Variants in TRPV1 observed in about 807,000 individuals in gnomAD.
TRPV1 encodes the protein OTRPC1.
Under a neutral mutation model 82.3 loss-of-function variants are expected in TRPV1, and 82 were observed. The observed-to-expected ratio is 1.00, with a 90% CI of 0.83 to 1.20. The LOEUF (loss-of-function observed/expected upper bound fraction) is 1.20, where lower values mean the gene tolerates loss of function less well. TRPV1 is among the 50% of genes most tolerant of loss of function. TRPV1 has a pLI of 0.00. For synonymous variants in TRPV1, 515 were observed against 467.7 expected (o/e 1.10, Z -1.30); for missense variants, 1,067 against 1,096.8 (o/e 0.97, Z 0.38).
At chr17:3,577,450 ATTGC>A in intron 12 of TRPV1, 144 bp downstream of exon 12, 2 of 1,123,588 alleles carry the variant, frequency 1.8e-6, no homozygotes, top group Non-Finnish European at 2.5e-6. Context: ...TCAGGGCCAG[ATTGC>A]TTGATTCTTG....
At chr17:3,573,596 C>G (rs1460057488) in intron 14 of TRPV1, 37 bp downstream of exon 14, 1 of 1,553,626 alleles carries the variant, frequency 6.4e-7, no homozygotes, top group Non-Finnish European at 8.7e-7. Flanking sequence ...CCCACACTCT[C>G]CGCGCCACTC....
At chr17:3,575,313 T>C (rs1424178809) in intron 13 of TRPV1, among the ~76,000 whole-genome samples, 4 of 152,010 alleles carry the variant, frequency 2.6e-5, no homozygotes, top group Non-Finnish European at 5.9e-5. Flanking sequence ...TAAAACCCCA[T>C]CTGTACTAAA....
intron 10 of TRPV1, among the ~76,000 whole-genome samples, chr17:3,581,950 G>A (rs573308243): frequency 7.4e-5 from 11 of 147,884 alleles, no homozygotes; most frequent in African/African-American, 2.7e-4. Flanking sequence ...CAGCACTTTG[G>A]GAGGCCAAGG....
chr17:3,607,482 A>G (rs2075303507), intron 2 of TRPV1, among the ~76,000 whole-genome samples: 2 of 152,088 alleles, frequency 1.3e-5, no homozygotes, highest in Non-Finnish European at 2.9e-5. Flanking sequence ...CTGTAATATA[A>G]TTTAATTTAC....
At chr17:3,569,698 G>A (rs2074821166) in intron 16 of TRPV1, among the ~76,000 whole-genome samples, 1 of 152,194 alleles carries the variant, frequency 6.6e-6, no homozygotes, top group African/African-American at 2.4e-5. Context: ...CTTTGGGGCA[G>A]ATGAGTTCCC....
chr17:3,572,284 G>A, intron 14 of TRPV1, 35 bp from the exon 15 acceptor site: 3 of 1,580,112 alleles, frequency 1.9e-6, no homozygotes, highest in Non-Finnish European at 2.6e-6. Flanking sequence ...GGAGCTGAGG[G>A]GCAGAGGGTG....
chr17:3,604,052 C>T (rs933371014), intron 2 of TRPV1, among the ~76,000 whole-genome samples: 12 of 152,248 alleles, frequency 7.9e-5, no homozygotes, highest in African/African-American at 2.9e-4. Context: ...GGCCAACAGA[C>T]CATGCCAACA....
At position 3,571,325 on chromosome 17, in the gene TRPV1, C is replaced by T. The variant is rs540650552; in HGVS notation, c.2347+199G>A. Among the ~76,000 whole-genome samples the T allele has an allele frequency of 4.0e-4, 61 of 152,280 alleles. 1 individual carries two copies. Among genetic ancestry groups the T allele is most frequent in the Middle Eastern group, 3.4e-3 (1 of 294 alleles). On this transcript the variant is annotated intron_variant, in intron 16 of 16. Coordinates refer to ENST00000572705, the MANE Select transcript of TRPV1 (RefSeq NM_080704.4). ...GCCCAGTGAGCCGTCAGCCATCAGCCGTCAGCCGTGACAGCATGAGTGAGG... is the reference window on the plus strand; with the variant it reads ...GCCCAGTGAGCCGTCAGCCATCAGCTGTCAGCCGTGACAGCATGAGTGAGG...
intron 2 of TRPV1, chr17:3,595,572 T>TG (rs1484386016): frequency 6.6e-6 from 1 of 152,220 alleles, no homozygotes; most frequent in Non-Finnish European, 1.5e-5. Flanking sequence ...GTCATACCCA[T>TG]GCCTGGCTGT....
chr17:3,576,668 A>AAAAAAAAAAAAAAATATAC, intron 13 of TRPV1, among the ~76,000 whole-genome samples: 1 of 38,390 alleles, frequency 2.6e-5, no homozygotes. Context: ...AAAAAAAAAA[A>AAAAAAAAAAAAAAATATAC]ATATATATAT....
At chr17:3,605,053 AT>A (rs1198975754) in intron 2 of TRPV1, among the ~76,000 whole-genome samples, 4 of 152,188 alleles carry the variant, frequency 2.6e-5, no homozygotes, top group African/African-American at 9.7e-5. Flanking sequence ...GATCACTTTA[AT>A]GTAAACACAT....
At position 3,585,735 on chromosome 17, in the gene TRPV1, C is replaced by T. The variant is rs199688281; in HGVS notation, c.1383+33G>A. 1.2e-5 allele frequency: 20 copies of T among 1,600,930 alleles called. No individual in the cohort carries two copies. In the South Asian group the frequency reaches 2.1e-4, roughly 17 times the overall value. On this transcript the variant is annotated intron_variant, in intron 9 of 16. Transcript: ENST00000572705. ...CACACCCCTTCCCCACCACCCACAC[C>T]CTCGCCCACGAGGCCTGAGCCTCTG...
At chr17:3,572,584 A>C (rs2074869321) in intron 14 of TRPV1, among the ~76,000 whole-genome samples, 1 of 152,210 alleles carries the variant, frequency 6.6e-6, no homozygotes. Flanking sequence ...CAGGGCCACG[A>C]GTGAGACTGC....
chr17:3,580,179 C>T (rs1157362000), intron 11 of TRPV1, among the ~76,000 whole-genome samples: 3 of 152,272 alleles, frequency 2.0e-5, no homozygotes, highest in East Asian at 1.9e-4. Flanking sequence ...GCCAACCCCT[C>T]GAATGGCAGA....
chr17:3,596,233 C>A (rs1217722694), intron 2 of TRPV1, among the ~76,000 whole-genome samples: 2 of 152,198 alleles, frequency 1.3e-5, no homozygotes, highest in Non-Finnish European at 2.9e-5. Flanking sequence ...AGGATCCCTT[C>A]TCTCCCCAAT....
chr17:3,568,288 C>G (rs936318150), intron 16 of TRPV1, among the ~76,000 whole-genome samples: 3 of 149,384 alleles, frequency 2.0e-5, no homozygotes, highest in South Asian at 2.1e-4. Context: ...CGCCACTGCA[C>G]TCCAGCCTGG....
rs71153375 is a variant in TRPV1 at position 3,576,690 on chromosome 17, T to TATATATGC, written c.1780+435_1780+436insGCATATAT. ...AAAAATATATATATATATATATATATGCATAAAAACTAGCCGGGCATGGTC... is the reference window on the plus strand; with the variant it reads ...AAAAATATATATATATATATATATATATATATGCGCATAAAAACTAGCCGGGCATGGTC... On this transcript the variant is annotated intron_variant, in intron 13 of 16. Transcript: ENST00000572705. 9.3e-3 allele frequency among the ~76,000 whole-genome samples: 943 copies of TATATATGC among 101,890 alleles called. 19 individuals are homozygous for TATATATGC. The highest frequency in any genetic ancestry group is 0.022 in the South Asian group (68 of 3,138). 66.8% of individuals were successfully genotyped at this position (101,890 alleles called of 152,430 possible).
chr17:3,577,095 GC>G, intron 13 of TRPV1, 30 bp downstream of exon 13: 3 of 1,564,140 alleles, frequency 1.9e-6, no homozygotes, highest in Non-Finnish European at 2.6e-6. Context: ...CAGGACCCCT[GC>G]CCTCCCCCAG....
At position 3,571,512 on chromosome 17, in the gene TRPV1, CT is replaced by C; in HGVS notation, c.2347+11del. 6.3e-7 allele frequency: 1 copy of C among 1,576,334 alleles called. No individual in the cohort carries two copies. The highest frequency in any genetic ancestry group is 8.6e-7 in the Non-Finnish European group (1 of 1,159,816). On this transcript the variant is annotated intron_variant, in intron 16 of 16. Coordinates refer to ENST00000572705, the MANE Select transcript of TRPV1 (RefSeq NM_080704.4). ...GCCAAGGAGGCGCCAAGCACCGGCC[CT>C]CACGCCTCACCTCTGCTTGACCGCA...
Sources: allele counts gnomAD v4.1 joint callset (sites outside exome capture counted in the v4.1 genomes callset), GRCh38; gene constraint gnomAD v4.1.1; transcripts MANE v1.5; gene names NCBI Gene and HGNC (gene_info 2026-07-23, HGNC 2026-07-21).